The following PLEKHM3 variants were observed in gnomAD, a reference collection of about 807,000 sequenced individuals.
PLEKHM3 encodes pleckstrin homology domain-containing family M member 3.
Under a neutral mutation model 81.8 loss-of-function variants are expected in PLEKHM3, and 45 were observed. That is an observed-to-expected ratio of 0.55 (90% CI 0.43 to 0.71). The LOEUF (loss-of-function observed/expected upper bound fraction) is 0.71. PLEKHM3 is among the 30% of genes least tolerant of loss of function. The pLI is 0.00. For missense variants in PLEKHM3, 788 were observed against 924.3 expected, an observed-to-expected ratio of 0.85 and a Z score of 1.91; for synonymous variants, 352 against 356.4, an observed-to-expected ratio of 0.99 and a Z score of 0.14.
At chr2:208,016,670 TACACACAC>T (rs370576889) in intron 1 of PLEKHM3, among the ~76,000 whole-genome samples, 2 of 65,062 alleles carry the variant, frequency 3.1e-5, no homozygotes, top group African/African-American at 9.6e-5. Flanking sequence ...AAAAAAAAAA[TACACACAC>T]ACACACACAC....
chr2:207,911,218 T>G (rs1688800540), intron 5 of PLEKHM3, among the ~76,000 whole-genome samples: 2 of 152,300 alleles, frequency 1.3e-5, no homozygotes, highest in South Asian at 4.1e-4. Context: ...GGGTTGTTTG[T>G]TTTTACTTTG....
chr2:207,910,353 C>A (rs1427208638), intron 5 of PLEKHM3, among the ~76,000 whole-genome samples: 1 of 152,218 alleles, frequency 6.6e-6, no homozygotes, highest in Non-Finnish European at 1.5e-5. Context: ...TTCAATAACA[C>A]AAGCACATGA....
chr2:207,977,141 G>A lies in PLEKHM3; in HGVS notation c.1056C>T (p.Val352=), dbSNP rs760056050. The A allele has an allele frequency of 4.3e-6, 7 of 1,614,194 alleles. No homozygotes were observed. Among genetic ancestry groups the A allele is most frequent in the Non-Finnish European group, 5.9e-6 (7 of 1,180,032 alleles). The change falls in exon 3 of 8, where the codon GTC becomes GTT. Residue 352 remains valine, a synonymous_variant. Coordinates refer to ENST00000427836, the MANE Select transcript of PLEKHM3 (RefSeq NM_001080475.3). Reference sequence around the variant, plus strand: ...TTTGGTACTGTTTGGAGCTGTCCAGGACAGGGGACGGTGGCAGCAGCCCAC... The same window carrying A: ...TTTGGTACTGTTTGGAGCTGTCCAGAACAGGGGACGGTGGCAGCAGCCCAC... ...KTSGLLPPSP[V]LDSSKQYQNI...
At chr2:207,908,373 C>T in intron 6 of PLEKHM3, 141 bp downstream of exon 6, 6 of 794,820 alleles carry the variant, frequency 7.5e-6, no homozygotes, top group Non-Finnish European at 1.2e-5. Flanking sequence ...ACTAAGTTTT[C>T]CCCCCATTCT....
chr2:207,927,069 C>A (rs1005993018), intron 5 of PLEKHM3, among the ~76,000 whole-genome samples: 1 of 152,102 alleles, frequency 6.6e-6, no homozygotes, highest in African/African-American at 2.4e-5. Flanking sequence ...GAAGAGAATG[C>A]CTTTTACGAC....
In PLEKHM3 at chr2:207,830,680, G is replaced by GTGTCCT. The variant is rs1559198470; in HGVS notation, c.2109-2185_2109-2184insAGGACA. 7.4e-4 allele frequency among the ~76,000 whole-genome samples: 107 copies of GTGTCCT among 143,952 alleles called. 1 individual carries two copies. The highest frequency in any genetic ancestry group is 3.6e-3 in the Middle Eastern group (1 of 274). 94.4% of individuals were successfully genotyped at this position (143,952 alleles called of 152,430 possible). A position where few individuals can be genotyped will look rare whatever the true frequency, so the allele number is the denominator to read the frequency against. On this transcript the variant is annotated intron_variant, in intron 7 of 7. Transcript: ENST00000427836. ...TCCAAGCTCATAAGTGTCCTTAGAA[G>GTGTCCT]AAGGACACTTCTTCTAAGTGTCCTT...
intron 4 of PLEKHM3, among the ~76,000 whole-genome samples, chr2:207,945,544 A>T (rs1690093021): frequency 6.6e-6 from 1 of 152,182 alleles, no homozygotes; most frequent in South Asian, 2.1e-4. Flanking sequence ...TTCTGGTTCT[A>T]GTTCCAAAGG....
rs1249539669 is a variant in PLEKHM3 at position 207,880,806 on chromosome 2, C to CA, written c.1951-19545dup. ...AAAAAAAACCAAAAAAACAAACAAA[C>CA]AAAAAAAAACAAAAAAACAAATAAA... is the stretch of plus-strand genomic sequence containing the variant. On this transcript the variant is annotated intron_variant, in intron 6 of 7. Transcript: ENST00000427836. 4.5e-3 allele frequency among the ~76,000 whole-genome samples: 251 copies of CA among 55,304 alleles called. 3 individuals carry two copies. Among genetic ancestry groups the CA allele is most frequent in the African/African-American group, 0.012 (187 of 16,080 alleles). The allele number at this position is 55,304 out of a possible 152,430, so 36.3% of individuals were successfully genotyped here. A position where few individuals can be genotyped will look rare whatever the true frequency, so the allele number is the denominator to read the frequency against.
intron 7 of PLEKHM3, among the ~76,000 whole-genome samples, chr2:207,833,145 C>CCCCCTGAG (rs1316036469): frequency 2.0e-5 from 3 of 151,754 alleles, no homozygotes; most frequent in African/African-American, 7.3e-5. Context: ...ATTCATTGGC[C>CCCCCTGAG]CCCCTGAGTA....
At chr2:207,955,956 T>C (rs759257965) in intron 3 of PLEKHM3, among the ~76,000 whole-genome samples, 1 of 152,080 alleles carries the variant, frequency 6.6e-6, no homozygotes, top group Non-Finnish European at 1.5e-5. Flanking sequence ...ATCACTATTG[T>C]GGAGATCGAG....
intron 7 of PLEKHM3, among the ~76,000 whole-genome samples, chr2:207,833,073 T>C (rs1048567626): frequency 4.3e-5 from 6 of 141,082 alleles, no homozygotes; most frequent in South Asian, 2.2e-4. Context: ...TATTGTACCA[T>C]TGCACTCCAG....
intron 5 of PLEKHM3, among the ~76,000 whole-genome samples, chr2:207,925,391 T>G (rs1689359219): frequency 6.6e-6 from 1 of 152,188 alleles, no homozygotes; most frequent in Non-Finnish European, 1.5e-5. Flanking sequence ...TCCTTTTGCC[T>G]CTTCTCCCCT....
chr2:207,962,226 G>A (rs1690759338), intron 3 of PLEKHM3, among the ~76,000 whole-genome samples: 1 of 152,118 alleles, frequency 6.6e-6, no homozygotes, highest in South Asian at 2.1e-4. Context: ...AGGGGAAGGA[G>A]GCTGGATATT....
chr2:207,991,911 T>C (rs1029018018), intron 2 of PLEKHM3, among the ~76,000 whole-genome samples: 22 of 152,232 alleles, frequency 1.4e-4, no homozygotes, highest in African/African-American at 5.3e-4. Flanking sequence ...AATAGTTATC[T>C]GTCAGATAAA....
chr2:207,931,128 C>T lies in PLEKHM3; in HGVS notation c.1693-9G>A. The T allele has an allele frequency of 1.3e-6, 2 of 1,598,090 alleles. No homozygotes were observed. Among genetic ancestry groups the T allele is most frequent in the Non-Finnish European group, 1.7e-6 (2 of 1,169,176 alleles). On this transcript the variant is annotated splice_polypyrimidine_tract_variant and intron_variant, in intron 4 of 7. Coordinates refer to ENST00000427836, the MANE Select transcript of PLEKHM3 (RefSeq NM_001080475.3). ...TTGGCCTGCTTCGACACCTACAAAA[C>T]AAGCGTCGTCAGTCAGTCCTGGAGA...
At position 208,001,268 on chromosome 2, in the gene PLEKHM3, C is replaced by T. The variant is rs758190858; in HGVS notation, c.372G>A (p.Gln124=). Residue 124 remains glutamine, a synonymous_variant, in exon 2 of 8, where the codon CAG becomes CAA. Coordinates refer to ENST00000427836, the MANE Select transcript of PLEKHM3 (RefSeq NM_001080475.3). ...CAGAACGAGGCCGGTCCCTCCGACG[C>T]TGACAGATATTGAAGAAATTAAAGG... is the stretch of plus-strand genomic sequence containing the variant. ...ASTFNFFNIC[Q]RRRDRPRSVN... 2 of 1,614,048 alleles carry T rather than the reference C, an allele frequency of 1.2e-6. No individual in the cohort carries two copies. Among genetic ancestry groups the T allele is most frequent in the Non-Finnish European group, 1.7e-6 (2 of 1,180,038 alleles).
intron 7 of PLEKHM3, among the ~76,000 whole-genome samples, chr2:207,837,632 C>CTTTT (rs756408346): frequency 0.59 from 62,253 of 105,580 alleles, 20,318 homozygotes; most frequent in Non-Finnish European, 0.63. Flanking sequence ...ATAGTTCTCC[C>CTTTT]TTTTTTTTTT....
intron 1 of PLEKHM3, among the ~76,000 whole-genome samples, chr2:208,009,670 A>G (rs1422139407): frequency 6.6e-6 from 1 of 152,196 alleles, no homozygotes; most frequent in Non-Finnish European, 1.5e-5. Flanking sequence ...GAAAGCAGCA[A>G]TTCTGCCCTC....
chr2:207,830,282 C>T (rs2092277935), intron 7 of PLEKHM3, among the ~76,000 whole-genome samples: 1 of 152,058 alleles, frequency 6.6e-6, no homozygotes, highest in South Asian at 2.1e-4. Context: ...CACAATGTGA[C>T]TATATTTGGA....
Sources: gnomAD v4.1 joint callset for allele counts (sites outside exome capture counted in the v4.1 genomes callset) on GRCh38, gnomAD v4.1.1 for gene constraint, MANE v1.5 for transcripts, NCBI Gene and HGNC (gene_info 2026-07-23, HGNC 2026-07-21) for gene names.